MAST4: variants seen among roughly 807,000 people sequenced by gnomAD.
The protein encoded by MAST4 is microtubule associated serine/threonine kinase family member 4, also known as microtubule-associated serine/threonine-protein kinase 4.
A neutral mutation model predicts 162.7 loss-of-function variants in MAST4; 89 were observed. The ratio of observed to expected loss-of-function variants is 0.55; its 90% CI spans 0.46 to 0.65. The LOEUF (loss-of-function observed/expected upper bound fraction) is 0.65, where lower values mean the gene tolerates loss of function less well. MAST4 is among the 30% of genes least tolerant of loss of function. MAST4 has a pLI of 0.00. For missense variants in MAST4, 3,153 were observed against 3,374.0 expected (o/e 0.93, Z 1.62); for synonymous variants, 1,479 against 1,361.1 (o/e 1.09, Z -1.91).
chr5:66,921,968 G>A (rs533008773), intron 4 of MAST4, among the ~76,000 whole-genome samples: 1 of 152,232 alleles, frequency 6.6e-6, no homozygotes, highest in East Asian at 1.9e-4. Flanking sequence ...GTCTCAAAAT[G>A]AAATGCCACC....
At chr5:66,800,677 G>T (rs1755874746) in intron 3 of MAST4, among the ~76,000 whole-genome samples, 1 of 151,984 alleles carries the variant, frequency 6.6e-6, no homozygotes, top group African/African-American at 2.4e-5. Context: ...ACCTGCATTT[G>T]TACCCCTGAA....
chr5:66,644,309 G>C (rs967622502), intron 1 of MAST4, among the ~76,000 whole-genome samples: 1 of 152,146 alleles, frequency 6.6e-6, no homozygotes, highest in Non-Finnish European at 1.5e-5. Flanking sequence ...ATATTTAGGA[G>C]ATTATTGGCT....
chr5:66,890,344 A>G (rs1762290714), intron 3 of MAST4, among the ~76,000 whole-genome samples: 1 of 152,224 alleles, frequency 6.6e-6, no homozygotes, highest in South Asian at 2.1e-4. Flanking sequence ...CTCCTAGGTC[A>G]TACTGACTTG....
At chr5:67,089,010 T>C (rs1206309567) in intron 5 of MAST4, among the ~76,000 whole-genome samples, 1 of 152,254 alleles carries the variant, frequency 6.6e-6, no homozygotes, top group East Asian at 1.9e-4. Flanking sequence ...TTTACAGCCA[T>C]GTACTGACTT....
intron 1 of MAST4, among the ~76,000 whole-genome samples, chr5:66,757,683 G>A (rs912185095): frequency 6.6e-6 from 1 of 152,112 alleles, no homozygotes; most frequent in East Asian, 1.9e-4. Context: ...AACAGTCCCC[G>A]TGCATGTGTG....
At chr5:66,661,715 C>T (rs1280438835) in intron 1 of MAST4, among the ~76,000 whole-genome samples, 1 of 151,846 alleles carries the variant, frequency 6.6e-6, no homozygotes, top group Non-Finnish European at 1.5e-5. Context: ...AAGAGAAAGA[C>T]CAAAAAAGAA....
intron 4 of MAST4, among the ~76,000 whole-genome samples, chr5:66,957,423 G>A (rs954581742): frequency 8.6e-5 from 13 of 152,030 alleles, no homozygotes; most frequent in Admixed American, 7.2e-4. Flanking sequence ...CCGTCTTCCC[G>A]CCTCAACCTT....
chr5:67,119,197 A>G (rs1767279183), intron 13 of MAST4, among the ~76,000 whole-genome samples: 1 of 152,040 alleles, frequency 6.6e-6, no homozygotes, highest in Non-Finnish European at 1.5e-5. Flanking sequence ...GTATGGGTAT[A>G]TGAGGGTGGG....
At chr5:67,152,316 C>T (rs1771929722) in intron 24 of MAST4, among the ~76,000 whole-genome samples, 1 of 152,164 alleles carries the variant, frequency 6.6e-6, no homozygotes. Context: ...ATGTCACAGC[C>T]AGAGGCTAAT....
At chr5:66,887,549 G>A (rs996278072) in intron 3 of MAST4, among the ~76,000 whole-genome samples, 9 of 152,172 alleles carry the variant, frequency 5.9e-5, no homozygotes, top group Non-Finnish European at 1.3e-4. Flanking sequence ...TATGGAAACA[G>A]CATCATCAAG....
chr5:66,686,801 G>A (rs186080215), intron 1 of MAST4, among the ~76,000 whole-genome samples: 2 of 152,264 alleles, frequency 1.3e-5, no homozygotes, highest in Non-Finnish European at 2.9e-5. Flanking sequence ...AGAGGGTAGG[G>A]ACTACAGCTT....
At chr5:67,083,387 AAG>A (rs149126930) in intron 5 of MAST4, among the ~76,000 whole-genome samples, 5,105 of 152,252 alleles carry the variant, frequency 0.034, 202 homozygotes, top group African/African-American at 0.094. Context: ...TTTTTTAACT[AAG>A]AGCCAAAAGA....
rs1324510741 is a variant in MAST4, at chr5:67,166,159, A to G, written c.6980A>G (p.Gln2327Arg). The G allele has an allele frequency of 6.4e-7, 1 of 1,566,918 alleles. No homozygotes were observed. Among genetic ancestry groups the G allele is most frequent in the Non-Finnish European group, 8.7e-7 (1 of 1,155,254 alleles). Residue 2327 changes from glutamine to arginine, a missense_variant, in exon 29 of 29, where the codon CAA (glutamine) becomes CGA (arginine). By Grantham distance (43) the Gln-to-Arg change is conservative. This residue lies in a region of MAST4 where 1,644 missense variants were observed against 1,495.0 expected (regional missense o/e 1.10). Transcript: ENST00000403625. ...DQKLSAVGEK[Q>R]TLSPKHPKPS... Reference sequence around the variant, plus strand: ...AAACTGTCCGCTGTTGGTGAAAAGCAAACCCTGTCTCCAAAGCACCCCAAA... The same window carrying G: ...AAACTGTCCGCTGTTGGTGAAAAGCGAACCCTGTCTCCAAAGCACCCCAAA...
At chr5:66,981,491 A>C (rs980720491) in intron 4 of MAST4, among the ~76,000 whole-genome samples, 7 of 152,270 alleles carry the variant, frequency 4.6e-5, no homozygotes, top group Middle Eastern at 3.4e-3. Context: ...GCGGTGATGG[A>C]AGGATGGGGG....
rs79604878 is a variant in MAST4, at chr5:66,748,013, A to G, written c.364-11696A>G. The stretch of plus-strand genomic sequence containing the variant: ...GTGAAGTCTCAGTTGGACATAGGAC[A>G]TGCTATGCTTGTTGGTGATAGGGTG... On this transcript the variant is annotated intron_variant, in intron 1 of 28. Transcript: ENST00000403625. Among the ~76,000 whole-genome samples the G allele has an allele frequency of 4.2e-3, 638 of 152,312 alleles. 2 individuals carry two copies. The highest frequency in any genetic ancestry group is 0.013 in the South Asian group (63 of 4,826).
At chr5:66,986,851 A>G (rs1344552077) in intron 4 of MAST4, among the ~76,000 whole-genome samples, 3 of 152,078 alleles carry the variant, frequency 2.0e-5, no homozygotes, top group Admixed American at 6.5e-5. Flanking sequence ...GCCTCAAGCA[A>G]TGCTCCCACC....
chr5:67,113,269 G>A (rs181112025), intron 11 of MAST4, among the ~76,000 whole-genome samples: 3,678 of 127,144 alleles, frequency 0.029, 136 homozygotes, highest in East Asian at 0.21. Flanking sequence ...AGCCGAGATC[G>A]CACCACTGCA....
At chr5:66,661,187 A>T (rs78341692) in intron 1 of MAST4, among the ~76,000 whole-genome samples, 3,729 of 152,282 alleles carry the variant, frequency 0.024, 165 homozygotes, top group African/African-American at 0.086. Context: ...TGAAGGAAAC[A>T]TGAGGTGGGC....
chr5:66,911,555 ACAACCCC>A (rs1763763994), intron 4 of MAST4, among the ~76,000 whole-genome samples: 1 of 44,050 alleles, frequency 2.3e-5, no homozygotes, highest in African/African-American at 9.4e-5. Context: ...ACAAACAACA[ACAACCCC>A]CCCCCCCCCC....
Sources: allele counts gnomAD v4.1 joint callset (sites outside exome capture counted in the v4.1 genomes callset), GRCh38; gene constraint gnomAD v4.1.1; regional missense constraint gnomAD v4.1.1; transcripts MANE v1.5; gene names NCBI Gene and HGNC (gene_info 2026-07-23, HGNC 2026-07-21).